Variants in DLG2 observed in about 807,000 individuals in gnomAD.
DLG2 encodes the protein discs large MAGUK scaffold protein 2, also known as disks large homolog 2.
Under a neutral mutation model 132.5 loss-of-function variants are expected in DLG2, and 45 were observed. The observed-to-expected ratio is 0.34, with a 90% CI of 0.27 to 0.44. The LOEUF is 0.44. Among genes scored for constraint, DLG2 ranks in the 20% least tolerant of loss-of-function variants. The pLI, the probability that DLG2 is intolerant of heterozygous loss-of-function variation, is 1.00. For missense variants in DLG2, 1,045 were observed against 1,196.9 expected (o/e 0.87, Z 1.87); for synonymous variants, 424 against 419.6 (o/e 1.01, Z -0.13).
rs76847407 is a variant in DLG2 at position 83,809,419 on chromosome 11, G to C, written c.1723-22627C>G. ...TCAAGTTAGGGTTTTTCCATGTAGG[G>C]CTTCTGGAGAAACTCCTTAGGATTT... is the stretch of plus-strand genomic sequence containing the variant. On this transcript the variant is annotated intron_variant, in intron 17 of 27. Transcript: ENST00000376104. Among the ~76,000 whole-genome samples the C allele has an allele frequency of 2.0e-3, 304 of 152,214 alleles. 1 individual carries two copies. The highest frequency in any genetic ancestry group is 7.1e-3 in the African/African-American group (295 of 41,546).
intron 21 of DLG2, among the ~76,000 whole-genome samples, chr11:83,503,372 TATATA>T (rs1565510745): frequency 8.0e-3 from 21 of 2,626 alleles, no homozygotes; most frequent in South Asian, 0.019. Context: ...CACCCATTTA[TATATA>T]TATATATATA....
At chr11:83,521,692 C>T (rs1458262215) in intron 21 of DLG2, among the ~76,000 whole-genome samples, 1 of 152,174 alleles carries the variant, frequency 6.6e-6, no homozygotes, top group African/African-American at 2.4e-5. Flanking sequence ...TTTACCCCTT[C>T]TCTACCAATT....
At chr11:84,066,351 T>G (rs574960450) in intron 10 of DLG2, among the ~76,000 whole-genome samples, 1 of 152,358 alleles carries the variant, frequency 6.6e-6, no homozygotes, top group Admixed American at 6.5e-5. Context: ...AACTTATAGT[T>G]GTTTTGATAT....
At chr11:83,605,003 A>AAGAGAGAGAGAGAGAGAGAG (rs1468336370) in intron 19 of DLG2, among the ~76,000 whole-genome samples, 1 of 79,956 alleles carries the variant, frequency 1.3e-5, no homozygotes, top group Non-Finnish European at 2.6e-5. Flanking sequence ...CCAGTTTTCA[A>AAGAGAGAGAGAGAGAGAGAG]AGACAGAGAG....
chr11:83,611,480 A>G (rs1161796624), intron 19 of DLG2, among the ~76,000 whole-genome samples: 1 of 152,220 alleles, frequency 6.6e-6, no homozygotes, highest in East Asian at 1.9e-4. Flanking sequence ...GCCCTAGACA[A>G]ACTGACAAGC....
intron 4 of DLG2, among the ~76,000 whole-genome samples, chr11:85,221,243 C>T (rs114138419): frequency 9.1e-4 from 138 of 151,986 alleles, no homozygotes; most frequent in African/African-American, 3.1e-3. Context: ...GGGGTTTCAC[C>T]GCCAGGATGG....
intron 3 of DLG2, among the ~76,000 whole-genome samples, chr11:85,504,366 A>T (rs931248206): frequency 2.9e-4 from 44 of 151,986 alleles, no homozygotes; most frequent in African/African-American, 1.1e-3. Context: ...TAAGTCTTTA[A>T]TCCATCTTGA....
chr11:84,637,813 T>G (rs1350108871), intron 6 of DLG2, among the ~76,000 whole-genome samples: 1 of 152,210 alleles, frequency 6.6e-6, no homozygotes, highest in Non-Finnish European at 1.5e-5. Flanking sequence ...TGCAGTCTCT[T>G]CAAAACATGA....
intron 3 of DLG2, among the ~76,000 whole-genome samples, chr11:85,426,979 T>C (rs1049424842): frequency 2.0e-5 from 3 of 152,118 alleles, no homozygotes; most frequent in African/African-American, 7.2e-5. Flanking sequence ...ACGTGATGAA[T>C]GCACAAGCCT....
intron 6 of DLG2, among the ~76,000 whole-genome samples, chr11:84,572,084 ATACTTT>A: frequency 6.6e-6 from 1 of 151,210 alleles, no homozygotes; most frequent in East Asian, 1.9e-4. Flanking sequence ...TATTATTATT[ATACTTT>A]AAGTTTTAGG....
At chr11:84,708,480 T>A (rs2060013467) in intron 6 of DLG2, among the ~76,000 whole-genome samples, 1 of 151,906 alleles carries the variant, frequency 6.6e-6, no homozygotes, top group Admixed American at 6.6e-5. Flanking sequence ...GTACTTCTAG[T>A]GGAAGAACAA....
chr11:85,398,797 CAA>C, intron 3 of DLG2, among the ~76,000 whole-genome samples: 1 of 152,028 alleles, frequency 6.6e-6, no homozygotes, highest in Admixed American at 6.6e-5. Flanking sequence ...GCCTACTCAC[CAA>C]AAAAAGTCCA....
intron 3 of DLG2, among the ~76,000 whole-genome samples, chr11:85,561,233 G>A (rs919462519): frequency 1.2e-4 from 18 of 144,270 alleles, no homozygotes; most frequent in Non-Finnish European, 3.0e-5. Flanking sequence ...CATGGTGGTT[G>A]AGACAGGAGG....
At chr11:85,045,549 A>C (rs2062261509) in intron 6 of DLG2, among the ~76,000 whole-genome samples, 1 of 152,080 alleles carries the variant, frequency 6.6e-6, no homozygotes, top group South Asian at 2.1e-4. Flanking sequence ...AGGAGGGCTA[A>C]ACAACAACAA....
At chr11:85,295,976 G>A (rs2079182400) in intron 3 of DLG2, among the ~76,000 whole-genome samples, 1 of 152,092 alleles carries the variant, frequency 6.6e-6, no homozygotes, top group Non-Finnish European at 1.5e-5. Context: ...TAAGCCAGGA[G>A]ACAAACATTA....
Position 83,746,507 on chromosome 11 carries a change from T to C in DLG2, c.1825+40183A>G, listed in dbSNP as rs140086334. Among the ~76,000 whole-genome samples the C allele has an allele frequency of 6.5e-4, 99 of 151,806 alleles. 1 individual carries two copies. In the East Asian group the frequency reaches 0.015, roughly 23 times the overall value. Reference sequence around the variant, plus strand: ...AAACCAAACACCGCACGTTCTCACTTATAGGTGGGAATTGAACAATGAGAA... The same window carrying C: ...AAACCAAACACCGCACGTTCTCACTCATAGGTGGGAATTGAACAATGAGAA... On this transcript the variant is annotated intron_variant, in intron 18 of 27. Transcript: ENST00000376104.
intron 10 of DLG2, among the ~76,000 whole-genome samples, chr11:84,087,964 ATT>A (rs773969282): frequency 3.9e-5 from 6 of 152,220 alleles, no homozygotes; most frequent in Non-Finnish European, 1.5e-5. Context: ...ATGATTGATC[ATT>A]TTTAAATTGG....
At chr11:84,957,615 T>C (rs1203738731) in intron 6 of DLG2, among the ~76,000 whole-genome samples, 1 of 152,186 alleles carries the variant, frequency 6.6e-6, no homozygotes, top group African/African-American at 2.4e-5. Flanking sequence ...TCCTCTGTAC[T>C]CTCGAAGTGT....
intron 6 of DLG2, among the ~76,000 whole-genome samples, chr11:84,648,676 T>C (rs1258160888): frequency 6.6e-6 from 1 of 152,038 alleles, no homozygotes; most frequent in East Asian, 1.9e-4. Context: ...GAACTGGTTA[T>C]TGAAAAGAGC....
Sources: allele counts gnomAD v4.1 joint callset (sites outside exome capture counted in the v4.1 genomes callset), GRCh38; gene constraint gnomAD v4.1.1; transcripts MANE v1.5; gene names NCBI Gene and HGNC (gene_info 2026-07-23, HGNC 2026-07-21).